The following CSMD3 variants were observed in gnomAD, a reference collection of about 807,000 sequenced individuals.
CSMD3 encodes CUB and Sushi multiple domains 3.
A neutral mutation model predicts 435.2 loss-of-function variants in CSMD3; 177 were observed. The ratio of observed to expected loss-of-function variants is 0.41; its 90% confidence interval spans 0.36 to 0.46. CSMD3 has a LOEUF of 0.46. Among genes scored for constraint, CSMD3 ranks in the 20% least tolerant of loss-of-function variants. CSMD3 has a pLI of 0.34. For missense variants in CSMD3, 4,265 were observed against 4,504.6 expected (o/e 0.95, Z 1.52); for synonymous variants, 1,656 against 1,520.5 (o/e 1.09, Z -2.07).
intron 7 of CSMD3, among the ~76,000 whole-genome samples, chr8:112,965,848 T>C (rs2084396353): frequency 6.6e-6 from 1 of 151,912 alleles, no homozygotes; most frequent in African/African-American, 2.4e-5. Context: ...ATGAATGACA[T>C]TGCTTTGACA....
intron 5 of CSMD3, among the ~76,000 whole-genome samples, chr8:113,025,286 C>T (rs910948782): frequency 3.9e-5 from 6 of 152,014 alleles, no homozygotes; most frequent in South Asian, 2.1e-4. Context: ...CATGTATATG[C>T]GTCTTAGGGT....
At chr8:113,221,256 G>T (rs1221375083) in intron 3 of CSMD3, among the ~76,000 whole-genome samples, 2 of 151,010 alleles carry the variant, frequency 1.3e-5, no homozygotes, top group Non-Finnish European at 3.0e-5. Flanking sequence ...GTACGAAAAT[G>T]TCCCTAAGAA....
At chr8:112,486,262 G>A (rs554283770) in intron 31 of CSMD3, among the ~76,000 whole-genome samples, 1 of 152,006 alleles carries the variant, frequency 6.6e-6, no homozygotes, top group African/African-American at 2.4e-5. Context: ...CTTTGGTTCT[G>A]GAGATATAAA....
chr8:112,785,497 A>G (rs763214164), intron 13 of CSMD3, among the ~76,000 whole-genome samples: 7 of 152,090 alleles, frequency 4.6e-5, no homozygotes, highest in Admixed American at 4.6e-4. Flanking sequence ...ATATAAATTT[A>G]TATTTGGAAA....
chr8:113,409,326 A>AC (rs373854263), intron 1 of CSMD3, among the ~76,000 whole-genome samples: 2,070 of 150,562 alleles, frequency 0.014, 49 homozygotes, highest in African/African-American at 0.048. Flanking sequence ...CTCGTGAAGC[A>AC]CCCCTCTCGG....
chr8:113,380,906 GA>G (rs201965235), intron 1 of CSMD3, among the ~76,000 whole-genome samples: 16 of 148,612 alleles, frequency 1.1e-4, no homozygotes, highest in Admixed American at 4.0e-4. Flanking sequence ...TAAACCAAAA[GA>G]AAAAAAAATG....
intron 13 of CSMD3, among the ~76,000 whole-genome samples, chr8:112,703,383 A>G (rs2076432135): frequency 6.6e-6 from 1 of 152,204 alleles, no homozygotes; most frequent in African/African-American, 2.4e-5. Context: ...CAGTGAGTTC[A>G]GAGCAATATT....
chr8:112,800,398 G>A (rs1210379615), intron 12 of CSMD3, 124 bp from the exon 13 acceptor site: 2 of 723,156 alleles, frequency 2.8e-6, no homozygotes, highest in Non-Finnish European at 5.0e-6. Flanking sequence ...TAAACATAGA[G>A]GAGTATGTGT....
chr8:113,375,027 C>T lies in CSMD3; in HGVS notation c.179-60234G>A, dbSNP rs993656375. 1.6e-4 allele frequency among the ~76,000 whole-genome samples: 24 copies of T among 152,050 alleles called. No individual in the cohort carries two copies. The South Asian group carries it at 4.2e-3, about 26-fold the overall frequency. ...TTTTATTTGAAAGTTGTGACCATCA[C>T]TTTACCCAGTATAACAAAAGAGTAG... On this transcript the variant is annotated intron_variant, in intron 1 of 70. Coordinates refer to ENST00000297405, the MANE Select transcript of CSMD3 (RefSeq NM_198123.2).
intron 4 of CSMD3, among the ~76,000 whole-genome samples, chr8:113,148,447 C>T (rs2091729925): frequency 6.6e-6 from 1 of 151,738 alleles, no homozygotes; most frequent in Non-Finnish European, 1.5e-5. Context: ...ATAAATGTAA[C>T]TGTATCTTCT....
At chr8:112,976,593 C>A (rs2130938744) in intron 6 of CSMD3, among the ~76,000 whole-genome samples, 1 of 151,834 alleles carries the variant, frequency 6.6e-6, no homozygotes, top group Admixed American at 6.6e-5. Flanking sequence ...TCAAAATTTT[C>A]TATTTTAAGA....
intron 32 of CSMD3, among the ~76,000 whole-genome samples, chr8:112,435,611 G>C (rs1398947988): frequency 1.3e-5 from 2 of 151,848 alleles, no homozygotes; most frequent in African/African-American, 4.8e-5. Context: ...AATGAACTTG[G>C]GTATGATGCA....
intron 3 of CSMD3, among the ~76,000 whole-genome samples, chr8:113,253,048 C>T (rs1259493107): frequency 6.6e-6 from 1 of 151,976 alleles, no homozygotes; most frequent in Admixed American, 6.6e-5. Context: ...GAGCACAGAT[C>T]AATAATATAA....
intron 1 of CSMD3, among the ~76,000 whole-genome samples, chr8:113,338,890 T>C (rs2094097247): frequency 6.6e-6 from 1 of 152,018 alleles, no homozygotes; most frequent in Admixed American, 6.6e-5. Flanking sequence ...TTTTATTTTG[T>C]ATTCTCTAAA....
intron 4 of CSMD3, among the ~76,000 whole-genome samples, chr8:113,139,941 AT>A (rs2091507655): frequency 6.6e-6 from 1 of 151,262 alleles, no homozygotes; most frequent in South Asian, 2.1e-4. Context: ...GTAGTCTCAG[AT>A]TTACAATGGC....
intron 50 of CSMD3, among the ~76,000 whole-genome samples, chr8:112,308,235 C>T (rs1375644740): frequency 1.3e-5 from 2 of 152,046 alleles, no homozygotes; most frequent in African/African-American, 4.8e-5. Context: ...TCACTTAGAA[C>T]TTTTGGGAAT....
At chr8:113,061,151 T>G (rs1315473160) in intron 5 of CSMD3, among the ~76,000 whole-genome samples, 1 of 152,118 alleles carries the variant, frequency 6.6e-6, no homozygotes, top group South Asian at 2.1e-4. Context: ...CTCTTTCCAC[T>G]CCTTCTCAGA....
At chr8:113,086,081 A>AC (rs1564296705) in intron 5 of CSMD3, among the ~76,000 whole-genome samples, 86 of 151,464 alleles carry the variant, frequency 5.7e-4, no homozygotes, top group African/African-American at 2.1e-3. Flanking sequence ...ACTAAAAATA[A>AC]ACACACACAC....
chr8:112,340,918 T>TA (rs1825033852), intron 42 of CSMD3, among the ~76,000 whole-genome samples: 1 of 152,096 alleles, frequency 6.6e-6, no homozygotes, highest in South Asian at 2.1e-4. Context: ...TAGCTCTACT[T>TA]ACGCCCAAAC....
Sources: gnomAD v4.1 joint callset for allele counts (sites outside exome capture counted in the v4.1 genomes callset) on GRCh38, gnomAD v4.1.1 for gene constraint, MANE v1.5 for transcripts, NCBI Gene and HGNC (gene_info 2026-07-23, HGNC 2026-07-21) for gene names.